Variants in MACROD1 observed in about 807,000 individuals in gnomAD.
MACROD1 encodes the protein ADP-ribose glycohydrolase MACROD1.
MACROD1 carries 31 observed loss-of-function variants against 41.4 expected under a neutral mutation model. That is an observed-to-expected ratio of 0.75 (90% CI 0.56 to 1.01). The LOEUF is 1.01. Ranked by LOEUF, MACROD1 falls within the 50% of genes least tolerant of loss-of-function variation. The pLI is 0.00. For synonymous variants in MACROD1, 252 were observed against 203.4 expected, an observed-to-expected ratio of 1.24 and a Z score of -2.03; for missense variants, 473 against 460.0, an observed-to-expected ratio of 1.03 and a Z score of -0.26.
chr11:64,103,585 T>TAA lies in MACROD1; in HGVS notation c.517+47652_517+47653dup, dbSNP rs35726613. On this transcript the variant is annotated intron_variant, in intron 3 of 10. Coordinates refer to ENST00000255681, the MANE Select transcript of MACROD1 (RefSeq NM_014067.4). ...ATTCTGCCAAGTGACTTAAAGGAAT[T>TAA]AAAAAAAAAAAAAGCCTTGGTAAAC... 4.3e-3 allele frequency: 603 copies of TAA among 140,666 alleles called. 9 individuals carry two copies. In the Middle Eastern group the frequency reaches 0.05, roughly 12 times the overall value. 8.7% of individuals were successfully genotyped at this position (140,666 alleles called of 1,614,324 possible).
chr11:64,091,536 G>A (rs1014911206), intron 3 of MACROD1, among the ~76,000 whole-genome samples: 1 of 152,128 alleles, frequency 6.6e-6, no homozygotes, highest in Non-Finnish European at 1.5e-5. Flanking sequence ...TAGCTGAGGT[G>A]CATGCCCAGG....
At chr11:64,148,865 G>GA (rs879429959) in intron 3 of MACROD1, 49 of 985,450 alleles carry the variant, frequency 5.0e-5, no homozygotes, top group Admixed American at 6.2e-5. Flanking sequence ...GGCCACCCAG[G>GA]ACCCTGGAGG....
At chr11:64,026,524 G>C (rs1486511867) in intron 3 of MACROD1, among the ~76,000 whole-genome samples, 2 of 152,212 alleles carry the variant, frequency 1.3e-5, no homozygotes, top group Non-Finnish European at 2.9e-5. Context: ...GGGTTGTGGA[G>C]TGCGCATATC....
intron 3 of MACROD1, chr11:64,116,831 C>T (rs1445484514): frequency 6.2e-7 from 1 of 1,613,160 alleles, no homozygotes; most frequent in South Asian, 1.1e-5. Flanking sequence ...GCCGGAACCA[C>T]CTGAGCAGCA....
intron 3 of MACROD1, among the ~76,000 whole-genome samples, chr11:64,149,335 C>T (rs1026958009): frequency 3.3e-5 from 5 of 152,184 alleles, no homozygotes; most frequent in Admixed American, 3.3e-4. Flanking sequence ...GAGGAGGAAA[C>T]AGAGGCCTAG....
At chr11:64,080,374 T>C (rs576746087) in intron 3 of MACROD1, among the ~76,000 whole-genome samples, 52 of 152,384 alleles carry the variant, frequency 3.4e-4, no homozygotes, top group African/African-American at 1.2e-3. Flanking sequence ...ATAACTCACA[T>C]ACCATAAAAG....
At chr11:64,076,377 C>T (rs1032431854) in intron 3 of MACROD1, among the ~76,000 whole-genome samples, 3 of 152,100 alleles carry the variant, frequency 2.0e-5, no homozygotes, top group African/African-American at 7.2e-5. Flanking sequence ...GCCTGGAGAC[C>T]GTGATTGTCT....
At chr11:64,016,335 GAGGCCAGGCAGGTGCCGCCC>G (rs1943081145) in intron 3 of MACROD1, among the ~76,000 whole-genome samples, 1 of 152,256 alleles carries the variant, frequency 6.6e-6, no homozygotes, top group South Asian at 2.1e-4. Flanking sequence ...AGCAGCGGGT[GAGGCCAGGCAGGTGCCGCCC>G]AGGCCCAGAT....
intron 3 of MACROD1, among the ~76,000 whole-genome samples, chr11:64,035,383 G>A (rs577384525): frequency 1.5e-3 from 224 of 152,294 alleles, no homozygotes; most frequent in Non-Finnish European, 2.6e-3. Flanking sequence ...ATGAATGCAC[G>A]GGTGGACGGA....
In MACROD1 at chr11:64,041,719, C is replaced by T. The variant is rs144588305; in HGVS notation, c.518-26438G>A. Among the ~76,000 whole-genome samples the T allele has an allele frequency of 2.8e-3, 420 of 152,220 alleles. 1 individual carries two copies. The highest frequency in any genetic ancestry group is 9.6e-3 in the African/African-American group (397 of 41,538). On this transcript the variant is annotated intron_variant, in intron 3 of 10. Coordinates refer to ENST00000255681, the MANE Select transcript of MACROD1 (RefSeq NM_014067.4). ...ATCCGAGGGACTGAGCTCTCTCAAG[C>T]GACATAGCATCTTGGGTCTTGGATC...
chr11:64,048,492 C>T (rs1221683327), intron 3 of MACROD1, among the ~76,000 whole-genome samples: 1 of 152,164 alleles, frequency 6.6e-6, no homozygotes, highest in African/African-American at 2.4e-5. Context: ...GCCCTTCCAG[C>T]TCCCAGATCC....
At chr11:64,099,861 A>G (rs537423004) in intron 3 of MACROD1, among the ~76,000 whole-genome samples, 16 of 151,892 alleles carry the variant, frequency 1.1e-4, no homozygotes, top group African/African-American at 3.6e-4. Context: ...GAATAGAGAA[A>G]TGGTGAGATG....
intron 8 of MACROD1, 97 bp from the exon 9 acceptor site, chr11:63,999,133 C>T: frequency 3.7e-6 from 5 of 1,365,668 alleles, no homozygotes; most frequent in Non-Finnish European, 4.0e-6. Context: ...CTGCCTGGCC[C>T]TGCGCCCTTC....
At chr11:64,038,523 C>T (rs1259626759) in intron 3 of MACROD1, among the ~76,000 whole-genome samples, 2 of 152,042 alleles carry the variant, frequency 1.3e-5, no homozygotes, top group African/African-American at 2.4e-5. Context: ...GAGGCCAGCA[C>T]GGGGGCAGCT....
At chr11:64,145,760 T>TG (rs1216968298) in intron 3 of MACROD1, among the ~76,000 whole-genome samples, 4 of 152,126 alleles carry the variant, frequency 2.6e-5, no homozygotes, top group Non-Finnish European at 5.9e-5. Context: ...TGGCCAAGAA[T>TG]GGGGATTTTT....
chr11:64,102,121 G>T (rs1335624179), intron 3 of MACROD1, among the ~76,000 whole-genome samples: 1 of 152,304 alleles, frequency 6.6e-6, no homozygotes, highest in Middle Eastern at 3.4e-3. Context: ...CCCAGATGCA[G>T]CTGAGCCCAT....
intron 3 of MACROD1, among the ~76,000 whole-genome samples, chr11:64,068,575 TTTGA>T (rs1944048047): frequency 6.6e-6 from 1 of 152,214 alleles, no homozygotes; most frequent in African/African-American, 2.4e-5. Flanking sequence ...CGCATTCCCA[TTTGA>T]TTGGCAGATA....
At chr11:64,086,674 C>G (rs1387571984) in intron 3 of MACROD1, among the ~76,000 whole-genome samples, 1 of 152,186 alleles carries the variant, frequency 6.6e-6, no homozygotes, top group Non-Finnish European at 1.5e-5. Context: ...GGACTCACAT[C>G]ATGTGTTCAG....
At chr11:64,000,741 C>G (rs1253429446) in intron 4 of MACROD1, among the ~76,000 whole-genome samples, 1 of 152,146 alleles carries the variant, frequency 6.6e-6, no homozygotes, top group Non-Finnish European at 1.5e-5. Flanking sequence ...AGCCCTGTCC[C>G]GGGCGCGCTG....
Sources: allele counts gnomAD v4.1 joint callset (sites outside exome capture counted in the v4.1 genomes callset), GRCh38; gene constraint gnomAD v4.1.1; transcripts MANE v1.5; gene names NCBI Gene and HGNC (gene_info 2026-07-23, HGNC 2026-07-21).